The following UBE3A variants were observed in gnomAD, a reference collection of about 807,000 sequenced individuals.
UBE3A encodes the protein ubiquitin-protein ligase E3A.
Under a neutral mutation model 83.4 loss-of-function variants are expected in UBE3A, and 6 were observed. That is an observed-to-expected ratio of 0.07 (90% CI 0.04 to 0.14). The LOEUF (loss-of-function observed/expected upper bound fraction) is 0.14. Ranked by LOEUF, UBE3A falls within the 10% of genes least tolerant of loss-of-function variation. The pLI, the probability that UBE3A is intolerant of heterozygous loss-of-function variation, is 1.00. For synonymous variants in UBE3A, 337 were observed against 355.4 expected (o/e 0.95, Z 0.58); for missense variants, 456 against 1,036.1 (o/e 0.44, Z 7.69).
At position 25,338,524 on chromosome 15, in the gene UBE3A, A is replaced by C. The variant is rs538761152; in HGVS notation, c.*613T>G. 2 of 151,748 alleles carry C rather than the reference A, an allele frequency of 1.3e-5. No homozygotes were observed. The highest frequency in any genetic ancestry group is 2.9e-5 in the Non-Finnish European group (2 of 67,940). 9.4% of individuals were successfully genotyped at this position (151,748 alleles called of 1,614,324 possible). A position where few individuals can be genotyped will look rare whatever the true frequency, so the allele number is the denominator to read the frequency against. On this transcript the variant is annotated 3_prime_UTR_variant, in exon 13 of 13. Coordinates refer to ENST00000648336, the MANE Select transcript of UBE3A (RefSeq NM_130839.5). ...TTCTCCCTTCCTTCCATCTTTCTTT[A>C]TTGATTGATTCTCAAGATTTTGCAC... is the stretch of plus-strand genomic sequence containing the variant.
intron 6 of UBE3A, among the ~76,000 whole-genome samples, chr15:25,362,617 A>C (rs2078304132): frequency 6.6e-6 from 1 of 152,220 alleles, no homozygotes; most frequent in Non-Finnish European, 1.5e-5. Flanking sequence ...AGAGTCAAAC[A>C]AATGTAGATG....
chr15:25,434,981 C>T (rs28735355), intron 1 of UBE3A, among the ~76,000 whole-genome samples: 28,554 of 135,904 alleles, frequency 0.21, 3,396 homozygotes, highest in Middle Eastern at 0.29. Flanking sequence ...CACACACACA[C>T]ACACACACAC....
At position 25,335,490 on chromosome 15, in the gene UBE3A, C is replaced by T. The variant is rs117871618; in HGVS notation, c.*3647G>A. On this transcript the variant is annotated 3_prime_UTR_variant, in exon 13 of 13. Transcript: ENST00000648336. The stretch of plus-strand genomic sequence containing the variant: ...GAAATTAGGCAGCTGCTAAGAATGT[C>T]CGGGTGAGTCAGAGGATCAGGACCT... The T allele has an allele frequency of 0.011, 1,614 of 151,990 alleles. 25 individuals are homozygous for T. The highest frequency in any genetic ancestry group is 0.034 in the Middle Eastern group (10 of 294). The allele number at this position is 151,990 out of a possible 1,614,324, so 9.4% of individuals were successfully genotyped here.
At chr15:25,428,343 A>G (rs1892029253) in intron 1 of UBE3A, among the ~76,000 whole-genome samples, 1 of 152,232 alleles carries the variant, frequency 6.6e-6, no homozygotes, top group South Asian at 2.1e-4. Context: ...AAAGAGTAAC[A>G]AAAAATCCTC....
chr15:25,396,400 G>A (rs956195761), intron 4 of UBE3A, among the ~76,000 whole-genome samples: 3 of 152,018 alleles, frequency 2.0e-5, no homozygotes, highest in African/African-American at 7.2e-5. Flanking sequence ...GGGGCCAAGA[G>A]TTCAAGACCA....
chr15:25,425,135 A>C (rs1890949284), intron 1 of UBE3A, among the ~76,000 whole-genome samples: 1 of 152,128 alleles, frequency 6.6e-6, no homozygotes. Context: ...AGTGTGTGTT[A>C]CCCAAAAAAA....
intron 1 of UBE3A, among the ~76,000 whole-genome samples, chr15:25,436,386 G>A (rs1475838329): frequency 2.0e-5 from 3 of 152,140 alleles, no homozygotes; most frequent in Non-Finnish European, 4.4e-5. Flanking sequence ...TAACATGATT[G>A]GAGAACATAA....
In UBE3A at chr15:25,408,484, C is replaced by A. The variant is rs2089230723; in HGVS notation, c.20+604G>T. On this transcript the variant is annotated intron_variant, in intron 3 of 12. Transcript: ENST00000648336. Reference sequence around the variant, plus strand: ...TAAAACTGAAACAATAACCAAATAACATTGGATAATAAAATGTAAATCTCA... The same window carrying A: ...TAAAACTGAAACAATAACCAAATAAAATTGGATAATAAAATGTAAATCTCA... 3 of 1,192,754 alleles carry A rather than the reference C, an allele frequency of 2.5e-6. No homozygotes were observed. In the South Asian group the frequency reaches 3.9e-5, roughly 15 times the overall value. 73.9% of individuals were successfully genotyped at this position (1,192,754 alleles called of 1,614,324 possible). A position where few individuals can be genotyped will look rare whatever the true frequency, so the allele number is the denominator to read the frequency against.
intron 1 of UBE3A, among the ~76,000 whole-genome samples, chr15:25,423,774 A>G (rs1890513878): frequency 6.6e-6 from 1 of 152,212 alleles, no homozygotes; most frequent in Admixed American, 6.5e-5. Flanking sequence ...GCAATAATTT[A>G]TAAGAATTAT....
chr15:25,343,289 A>G (rs1028946557), intron 11 of UBE3A, among the ~76,000 whole-genome samples: 2 of 152,226 alleles, frequency 1.3e-5, no homozygotes, highest in African/African-American at 4.8e-5. Context: ...ACAAAAGTAG[A>G]CCAGAAAAAT....
At chr15:25,383,529 C>G (rs1224574291) in intron 4 of UBE3A, among the ~76,000 whole-genome samples, 2 of 152,048 alleles carry the variant, frequency 1.3e-5, no homozygotes, top group East Asian at 3.9e-4. Flanking sequence ...TCCAGCTACT[C>G]GGGAGGCTGA....
At chr15:25,396,637 A>G (rs1033206044) in intron 4 of UBE3A, among the ~76,000 whole-genome samples, 1 of 152,180 alleles carries the variant, frequency 6.6e-6, no homozygotes, top group Non-Finnish European at 1.5e-5. Context: ...TCAAACAACA[A>G]GCAAACAAAA....
chr15:25,401,392 T>C (rs2087047112), intron 4 of UBE3A, among the ~76,000 whole-genome samples: 1 of 152,200 alleles, frequency 6.6e-6, no homozygotes, highest in Non-Finnish European at 1.5e-5. Flanking sequence ...TAGTTCTTCT[T>C]TAAATGTCTG....
chr15:25,399,184 A>T (rs2086478268), intron 4 of UBE3A, among the ~76,000 whole-genome samples: 1 of 151,992 alleles, frequency 6.6e-6, no homozygotes, highest in South Asian at 2.1e-4. Flanking sequence ...TCTTTTTGCC[A>T]TGCAGAAGCT....
At chr15:25,384,549 A>G (rs1409013095) in intron 4 of UBE3A, among the ~76,000 whole-genome samples, 1 of 152,096 alleles carries the variant, frequency 6.6e-6, no homozygotes, top group Non-Finnish European at 1.5e-5. Context: ...ATCCAAGTTT[A>G]TGAATTGGAA....
rs1317339128 is a variant in UBE3A at position 25,356,730 on chromosome 15, C to T, written c.1920G>A (p.Gly640=). 6.2e-7 allele frequency: 1 copy of T among 1,613,486 alleles called. No homozygotes were observed. Among genetic ancestry groups the T allele is most frequent in the Non-Finnish European group, 8.5e-7 (1 of 1,179,856 alleles). ...CCAAGTCACGAAAAGTTCCTTTTTT[C>T]CCCATTAGCTTCCTGTAGACAACCA... The part of the protein sequence containing the change: ...FPMVVYRKLM[G]KKGTFRDLGD... The change falls in exon 8 of 13, where the codon GGG becomes GGA. Residue 640 remains glycine (G), a synonymous_variant. Coordinates refer to ENST00000648336, the MANE Select transcript of UBE3A (RefSeq NM_130839.5).
rs1567069211 is a variant in UBE3A at position 25,398,816 on chromosome 15, A to ATATATATATATATATAT, written c.62+6644_62+6645insATATATATATATATATA. Among the ~76,000 whole-genome samples, 69 of 40,734 alleles carry ATATATATATATATATAT rather than the reference A, an allele frequency of 1.7e-3. 1 individual carries two copies. The highest frequency in any genetic ancestry group is 2.8e-3 in the Non-Finnish European group (53 of 18,704). 26.7% of individuals were successfully genotyped at this position (40,734 alleles called of 152,430 possible). A position where few individuals can be genotyped will look rare whatever the true frequency, so the allele number is the denominator to read the frequency against. On this transcript the variant is annotated intron_variant, in intron 4 of 12. Transcript: ENST00000648336. ...ATATATATATATATATATATATATAAAAATACATATATATCCAAGTGTGAC... is the reference window on the plus strand; with the variant it reads ...ATATATATATATATATATATATATAATATATATATATATATATAAATACATATATATCCAAGTGTGAC...
At chr15:25,387,103 T>C (rs992884867) in intron 4 of UBE3A, among the ~76,000 whole-genome samples, 2 of 152,230 alleles carry the variant, frequency 1.3e-5, no homozygotes, top group South Asian at 2.1e-4. Context: ...AACTTACTTA[T>C]TGGGTTGTGT....
At chr15:25,405,287 C>A (rs1245769826) in intron 4 of UBE3A, among the ~76,000 whole-genome samples, 174 bp downstream of exon 4, 2 of 152,040 alleles carry the variant, frequency 1.3e-5, no homozygotes, top group South Asian at 2.1e-4. Flanking sequence ...TAAACTGTTA[C>A]CGAGGTTTAG....
Sources: gnomAD v4.1 joint callset for allele counts (sites outside exome capture counted in the v4.1 genomes callset) on GRCh38, gnomAD v4.1.1 for gene constraint, MANE v1.5 for transcripts, NCBI Gene and HGNC (gene_info 2026-07-23, HGNC 2026-07-21) for gene names.